The following OSBP variants were observed in gnomAD, a reference collection of about 807,000 sequenced individuals.
OSBP encodes oxysterol-binding protein 1.
OSBP carries 32 observed loss-of-function variants against 96.6 expected under a neutral mutation model. The observed-to-expected ratio is 0.33, with a 90% CI of 0.25 to 0.45. The LOEUF (loss-of-function observed/expected upper bound fraction) is 0.45. Among genes scored for constraint, OSBP ranks in the 20% least tolerant of loss-of-function variants. The probability of loss-of-function intolerance (pLI) is 1.00; values close to 1 mark genes in which losing one functional copy is unlikely to be tolerated. For missense variants in OSBP, 653 were observed against 1,029.7 expected, an observed-to-expected ratio of 0.63 and a Z score of 5.01; for synonymous variants, 369 against 389.6, an observed-to-expected ratio of 0.95 and a Z score of 0.62.
chr11:59,610,639 C>G, intron 1 of OSBP, 50 bp from the exon 2 acceptor site: 1 of 1,404,954 alleles, frequency 7.1e-7, no homozygotes, highest in South Asian at 1.2e-5. Context: ...ACGGTTTATC[C>G]TTTATCACAT....
chr11:59,607,315 A>C (rs932675488), intron 3 of OSBP, among the ~76,000 whole-genome samples: 1 of 152,226 alleles, frequency 6.6e-6, no homozygotes, highest in African/African-American at 2.4e-5. Flanking sequence ...TCAGAAACAC[A>C]AGCACCCTGA....
intron 7 of OSBP, among the ~76,000 whole-genome samples, chr11:59,600,012 G>A (rs1860701089): frequency 6.6e-6 from 1 of 152,122 alleles, no homozygotes; most frequent in Non-Finnish European, 1.5e-5. Flanking sequence ...AAGACATGAC[G>A]GGGCAGAGAG....
chr11:59,582,031 G>T lies in OSBP; in HGVS notation c.1679-477C>A, dbSNP rs578232245. Among the ~76,000 whole-genome samples the T allele has an allele frequency of 2.1e-3, 321 of 152,366 alleles. 1 individual carries two copies. Among genetic ancestry groups the T allele is most frequent in the African/African-American group, 7.4e-3 (308 of 41,570 alleles). On this transcript the variant is annotated intron_variant, in intron 9 of 13. Coordinates refer to ENST00000263847, the MANE Select transcript of OSBP (RefSeq NM_002556.3). ...GAATAGTGGATAGAGCTGGGGCTTT[G>T]AATTCAGACAGAACTGGATTAAATC...
At chr11:59,599,051 T>C (rs1016034249) in intron 7 of OSBP, among the ~76,000 whole-genome samples, 5 of 152,314 alleles carry the variant, frequency 3.3e-5, no homozygotes, top group South Asian at 2.1e-4. Flanking sequence ...TCTGACACCA[T>C]AGAGTATGGC....
At chr11:59,611,188 T>G (rs538256381) in intron 1 of OSBP, among the ~76,000 whole-genome samples, 1 of 151,120 alleles carries the variant, frequency 6.6e-6, no homozygotes, top group South Asian at 2.1e-4. Context: ...TAGGCTATAC[T>G]GAGGTATAAC....
At chr11:59,608,756 TTA>T (rs1490044225) in intron 2 of OSBP, 22 bp from the exon 3 acceptor site, 1 of 1,612,912 alleles carries the variant, frequency 6.2e-7, no homozygotes, top group Non-Finnish European at 8.5e-7. Context: ...AAAAGAAAGG[TTA>T]TATGATTCCA....
At position 59,585,030 on chromosome 11, in the gene OSBP, G is replaced by A. The variant is rs951899230; in HGVS notation, c.1679-3476C>T. 3.9e-5 allele frequency among the ~76,000 whole-genome samples: 6 copies of A among 152,226 alleles called. No homozygotes were observed. The South Asian group carries it at 8.3e-4, about 21-fold the overall frequency. ...GCCTGCCTTGGCCTCCCAAAATGCC[G>A]AGATTACAGCCTCTGCCCGGCCGCC... On this transcript the variant is annotated intron_variant, in intron 9 of 13. Coordinates refer to ENST00000263847, the MANE Select transcript of OSBP (RefSeq NM_002556.3).
chr11:59,600,791 C>T, intron 6 of OSBP, 28 bp downstream of exon 6: 6 of 1,604,318 alleles, frequency 3.7e-6, no homozygotes, highest in Non-Finnish European at 5.1e-6. Context: ...ACGTCCCTCA[C>T]CTCTGAGATC....
chr11:59,583,635 T>TG (rs1860452217), intron 9 of OSBP, among the ~76,000 whole-genome samples: 2 of 102,510 alleles, frequency 2.0e-5, no homozygotes, highest in African/African-American at 6.1e-5. Flanking sequence ...TAAATCTCTG[T>TG]TTTTTTTTTT....
rs117360963 is a variant in OSBP, at chr11:59,595,527, G to A, written c.1312-1272C>T. Among the ~76,000 whole-genome samples, 177 of 151,944 alleles carry A rather than the reference G, an allele frequency of 1.2e-3. 2 individuals carry two copies. The East Asian group carries it at 0.013, about 11-fold the overall frequency. On this transcript the variant is annotated intron_variant, in intron 7 of 13. Transcript: ENST00000263847. ...CCCGCTCAATCATGAAATTAATATC[G>A]TATAATTTTTAACTGTAAAAAACTT...
chr11:59,608,871 G>C lies in OSBP; in HGVS notation c.572-137C>G. On this transcript the variant is annotated intron_variant, in intron 2 of 13. Transcript: ENST00000263847. ...ACTCACTGAAAACTTGCCATTACCA[G>C]ATGGTTTCTCTATAGTGTGGTCCAC... 6 of 817,700 alleles carry C rather than the reference G, an allele frequency of 7.3e-6. No individual in the cohort carries two copies. The South Asian group carries it at 9.7e-5, about 13-fold the overall frequency. 50.7% of individuals were successfully genotyped at this position (817,700 alleles called of 1,614,324 possible).
At chr11:59,579,359 G>A (rs1407247226) in intron 11 of OSBP, among the ~76,000 whole-genome samples, 4 of 146,930 alleles carry the variant, frequency 2.7e-5, no homozygotes, top group East Asian at 2.0e-4. Context: ...TTGAGACGGC[G>A]TTTCTCTCTT....
At chr11:59,600,227 T>C (rs1565118989) in intron 7 of OSBP, among the ~76,000 whole-genome samples, 1 of 152,230 alleles carries the variant, frequency 6.6e-6, no homozygotes, top group African/African-American at 2.4e-5. Context: ...GTATTTATCT[T>C]TGCATGTCCC....
intron 1 of OSBP, among the ~76,000 whole-genome samples, chr11:59,611,135 C>CAAAAA (rs35074206): frequency 1.5e-4 from 9 of 59,908 alleles, no homozygotes; most frequent in African/African-American, 3.0e-4. Context: ...AACTCCGTCT[C>CAAAAA]AAAAAAAAAA....
intron 12 of OSBP, among the ~76,000 whole-genome samples, chr11:59,577,620 G>A (rs553930711): frequency 8.3e-4 from 127 of 152,292 alleles, no homozygotes; most frequent in African/African-American, 2.9e-3. Context: ...AGCCTCCCAA[G>A]TAGCTGGGAT....
rs746072324 is a variant in OSBP at position 59,600,482 on chromosome 11, T to C, written c.1311+14A>G. 16 of 1,613,412 alleles carry C rather than the reference T, an allele frequency of 9.9e-6. No homozygotes were observed. The highest frequency in any genetic ancestry group is 1.4e-5 in the Non-Finnish European group (16 of 1,179,704). On this transcript the variant is annotated intron_variant, in intron 7 of 13. Coordinates refer to ENST00000263847, the MANE Select transcript of OSBP (RefSeq NM_002556.3). ...GGAACTCCTGGCAGCAGCTCCAGTG[T>C]GCAAGAACCTTACCGGCATGGGGAT...
chr11:59,591,681 C>T (rs1354194435), intron 9 of OSBP, among the ~76,000 whole-genome samples: 4 of 148,332 alleles, frequency 2.7e-5, no homozygotes, highest in South Asian at 2.1e-4. Context: ...AGTGAAATGG[C>T]GTGATCTCAG....
At chr11:59,609,359 C>T (rs17153982) in intron 2 of OSBP, among the ~76,000 whole-genome samples, 7,084 of 152,076 alleles carry the variant, frequency 0.047, 363 homozygotes, top group Admixed American at 0.13. Flanking sequence ...CTTTAAATAG[C>T]TCTCCAATAA....
chr11:59,581,587 A>C (rs1213242069), intron 9 of OSBP, 33 bp from the exon 10 acceptor site: 1 of 1,251,344 alleles, frequency 8.0e-7, no homozygotes, highest in African/African-American at 1.5e-5. Flanking sequence ...AAATTAAGCC[A>C]AATGTCAGAA....
Sources: allele counts gnomAD v4.1 joint callset (sites outside exome capture counted in the v4.1 genomes callset), GRCh38; gene constraint gnomAD v4.1.1; transcripts MANE v1.5; gene names NCBI Gene and HGNC (gene_info 2026-07-23, HGNC 2026-07-21).